IL1RAPL1: variants seen among roughly 807,000 people sequenced by gnomAD.
IL1RAPL1 encodes the protein interleukin-1 receptor accessory protein-like 1.
A neutral mutation model predicts 48.4 loss-of-function variants in IL1RAPL1; 3 were observed. The ratio of observed to expected loss-of-function variants is 0.06; its 90% CI spans 0.03 to 0.16. IL1RAPL1 has a LOEUF of 0.16. Ranked by LOEUF, IL1RAPL1 falls within the 10% of genes least tolerant of loss-of-function variation. IL1RAPL1 has a pLI of 1.00. For missense variants in IL1RAPL1, 349 were observed against 530.6 expected (o/e 0.66, Z 3.36); for synonymous variants, 185 against 187.7 (o/e 0.99, Z 0.12).
At chrX:28,855,091 C>T (rs1325699582) in intron 2 of IL1RAPL1, among the ~76,000 whole-genome samples, 5 of 111,892 alleles carry the variant, frequency 4.5e-5, no homozygotes, top group Non-Finnish European at 3.8e-5. Context: ...GCGATCTCAG[C>T]TCACTGCAAC....
At chrX:29,540,594 T>A (rs78229767) in intron 5 of IL1RAPL1, among the ~76,000 whole-genome samples, 2 of 111,431 alleles carry the variant, frequency 1.8e-5, no homozygotes, top group Non-Finnish European at 3.8e-5. Context: ...CATAGACCAA[T>A]GGAACAGAAT....
chrX:28,673,594 T>A (rs16988296), intron 1 of IL1RAPL1, among the ~76,000 whole-genome samples: 2,870 of 111,711 alleles, frequency 0.026, 91 homozygotes, highest in African/African-American at 0.088. Flanking sequence ...GGCATTTCCC[T>A]GGCCAGTGTC....
chrX:29,269,049 T>G (rs1437361804), intron 2 of IL1RAPL1, among the ~76,000 whole-genome samples: 1 of 112,252 alleles, frequency 8.9e-6, no homozygotes, highest in African/African-American at 3.2e-5. Context: ...GATTCTGAAT[T>G]GGATGAACCA....
chrX:29,336,301 TGG>T (rs1279335388), intron 3 of IL1RAPL1, among the ~76,000 whole-genome samples: 1 of 72,414 alleles, frequency 1.4e-5, no homozygotes, highest in South Asian at 8.2e-4. Flanking sequence ...TGCACCGTTT[TGG>T]GGTGTGTGTG....
intron 2 of IL1RAPL1, among the ~76,000 whole-genome samples, chrX:29,057,725 G>A (rs973416474): frequency 9.0e-6 from 1 of 111,530 alleles, no homozygotes; most frequent in African/African-American, 3.3e-5. Context: ...CACCGTGCGC[G>A]GCCTGTTTAG....
chrX:29,901,636 G>A (rs1170828082), intron 6 of IL1RAPL1, among the ~76,000 whole-genome samples: 2 of 111,534 alleles, frequency 1.8e-5, no homozygotes, highest in African/African-American at 6.5e-5. Context: ...TGATACTGAG[G>A]TCTAAAGAAT....
chrX:29,802,484 C>A (rs760553395), intron 6 of IL1RAPL1, among the ~76,000 whole-genome samples: 10 of 108,218 alleles, frequency 9.2e-5, no homozygotes, highest in African/African-American at 3.3e-4. Flanking sequence ...CTAGAAACAA[C>A]GATGTTACCA....
intron 9 of IL1RAPL1, among the ~76,000 whole-genome samples, chrX:29,946,095 C>T (rs745682165): frequency 1.2e-4 from 13 of 111,603 alleles, no homozygotes; most frequent in South Asian, 3.7e-4. Flanking sequence ...TTGCACCTCT[C>T]AAAAATAGAT....
intron 6 of IL1RAPL1, among the ~76,000 whole-genome samples, chrX:29,702,385 G>A (rs1927076925): frequency 9.0e-6 from 1 of 111,198 alleles, no homozygotes; most frequent in African/African-American, 3.3e-5. Flanking sequence ...TGCAAGCTGG[G>A]GACCAATGAC....
At chrX:28,614,490 T>G in intron 1 of IL1RAPL1, among the ~76,000 whole-genome samples, 1 of 111,670 alleles carries the variant, frequency 9.0e-6, no homozygotes. Flanking sequence ...AGGGCATTAA[T>G]AATTTTTGTA....
intron 2 of IL1RAPL1, among the ~76,000 whole-genome samples, chrX:29,240,692 C>A (rs1230013193): frequency 1.8e-5 from 2 of 111,543 alleles, no homozygotes; most frequent in Admixed American, 9.6e-5. Context: ...CCATTTGAGG[C>A]CTACAAATTG....
At chrX:29,514,222 C>T (rs1935422748) in intron 5 of IL1RAPL1, among the ~76,000 whole-genome samples, 1 of 111,436 alleles carries the variant, frequency 9.0e-6, no homozygotes, top group East Asian at 2.8e-4. Context: ...TAGATAGAAA[C>T]AGCCTTCTGA....
chrX:29,474,266 G>A (rs1044748619), intron 5 of IL1RAPL1, among the ~76,000 whole-genome samples: 8 of 111,998 alleles, frequency 7.1e-5, no homozygotes, highest in Admixed American at 9.5e-5. Context: ...GTCTTTGTAT[G>A]TACATTTTTA....
chrX:29,785,623 C>A (rs1237570535), intron 6 of IL1RAPL1, among the ~76,000 whole-genome samples: 1 of 111,895 alleles, frequency 8.9e-6, no homozygotes, highest in Non-Finnish European at 1.9e-5. Context: ...ATATTCATGG[C>A]AGCTATATTC....
At chrX:28,937,366 C>T (rs905235059) in intron 2 of IL1RAPL1, among the ~76,000 whole-genome samples, 9 of 110,597 alleles carry the variant, frequency 8.1e-5, no homozygotes, top group Admixed American at 7.8e-4. Flanking sequence ...TTTTTACTTT[C>T]CTACCTACTT....
At position 28,831,024 on chromosome X, in the gene IL1RAPL1, CTCTGTG is replaced by C. The variant is rs1467744291; in HGVS notation, c.82+41601_82+41606del. 6.8e-3 allele frequency among the ~76,000 whole-genome samples: 401 copies of C among 59,144 alleles called. 7 individuals are homozygous for C. In the East Asian group the frequency reaches 0.083, roughly 12 times the overall value. The allele number at this position is 59,144 out of a possible 115,157, so 51.4% of individuals were successfully genotyped here. On this transcript the variant is annotated intron_variant, in intron 2 of 10. Coordinates refer to ENST00000378993, the MANE Select transcript of IL1RAPL1 (RefSeq NM_014271.4). ...TCTCTCTCTCTCTCTCTCTCTCTCTCTCTGTGTGTGTGTGTGTGTGTGTGTGTGTGT... is the reference window on the plus strand; with the variant it reads ...TCTCTCTCTCTCTCTCTCTCTCTCTCTGTGTGTGTGTGTGTGTGTGTGTGT...
At chrX:29,297,848 TA>T (rs1182356551) in intron 3 of IL1RAPL1, among the ~76,000 whole-genome samples, 1 of 112,256 alleles carries the variant, frequency 8.9e-6, no homozygotes. Flanking sequence ...TTAATACAAT[TA>T]TTTTTTTCAA....
intron 2 of IL1RAPL1, among the ~76,000 whole-genome samples, chrX:29,195,995 A>G (rs1272768660): frequency 7.1e-5 from 8 of 112,117 alleles, no homozygotes; most frequent in South Asian, 7.4e-4. Context: ...ATACTTGACA[A>G]TACTACCCCA....
At chrX:29,264,231 A>G (rs901566991) in intron 2 of IL1RAPL1, among the ~76,000 whole-genome samples, 8 of 111,659 alleles carry the variant, frequency 7.2e-5, no homozygotes. Flanking sequence ...AAAAGCATGT[A>G]TTTTTTTCCT....
Sources: allele counts gnomAD v4.1 joint callset (sites outside exome capture counted in the v4.1 genomes callset), GRCh38; gene constraint gnomAD v4.1.1; transcripts MANE v1.5; gene names NCBI Gene and HGNC (gene_info 2026-07-23, HGNC 2026-07-21).